The following WAC variants were observed in gnomAD, a reference collection of about 807,000 sequenced individuals.
WAC encodes WW domain-containing adapter protein with coiled-coil.
A neutral mutation model predicts 79.6 loss-of-function variants in WAC; 11 were observed. That is an observed-to-expected ratio of 0.14 (90% CI 0.09 to 0.23). The LOEUF (loss-of-function observed/expected upper bound fraction) is 0.23, where lower values mean the gene tolerates loss of function less well. WAC is among the 10% of genes least tolerant of loss of function. WAC has a pLI of 1.00. For synonymous variants in WAC, 304 were observed against 276.9 expected (o/e 1.10, Z -0.97); for missense variants, 728 against 773.5 (o/e 0.94, Z 0.70).
At chr10:28,542,816 A>T (rs1383069925) in intron 3 of WAC, among the ~76,000 whole-genome samples, 1 of 152,218 alleles carries the variant, frequency 6.6e-6, no homozygotes, top group Non-Finnish European at 1.5e-5. Context: ...CTGGTTTCTG[A>T]TAGATCAGTA....
intron 7 of WAC, among the ~76,000 whole-genome samples, chr10:28,605,748 G>A (rs566824598): frequency 1.3e-4 from 19 of 151,928 alleles, no homozygotes; most frequent in Non-Finnish European, 2.5e-4. Flanking sequence ...TTCATGTCTC[G>A]TAGATTTGGT....
In WAC at chr10:28,600,364, A is replaced by G. The variant is rs958890402; in HGVS notation, c.919+4323A>G. On this transcript the variant is annotated intron_variant, in intron 7 of 13. Coordinates refer to ENST00000354911, the MANE Select transcript of WAC (RefSeq NM_016628.5). Reference sequence around the variant, plus strand: ...ACTAAATGACAATTGAATGAACTCAAAAACTTCAGTATGTGTTAAAGCTAG... The same window carrying G: ...ACTAAATGACAATTGAATGAACTCAGAAACTTCAGTATGTGTTAAAGCTAG... 3.9e-5 allele frequency among the ~76,000 whole-genome samples: 6 copies of G among 152,146 alleles called. 1 individual carries two copies. The highest frequency in any genetic ancestry group is 1.3e-4 in the Admixed American group (2 of 15,268).
chr10:28,585,203 C>T (rs955816930), intron 4 of WAC, among the ~76,000 whole-genome samples: 5 of 152,066 alleles, frequency 3.3e-5, no homozygotes, highest in South Asian at 2.1e-4. Flanking sequence ...ATTGAACAAC[C>T]GGATGAATTT....
At chr10:28,552,639 C>CTGGA (rs1837743752) in intron 3 of WAC, among the ~76,000 whole-genome samples, 2 of 152,006 alleles carry the variant, frequency 1.3e-5, no homozygotes, top group Admixed American at 1.3e-4. Flanking sequence ...TGAATATTGA[C>CTGGA]TGGATTCTAA....
chr10:28,598,110 C>T (rs879853986), intron 7 of WAC, among the ~76,000 whole-genome samples: 1 of 152,186 alleles, frequency 6.6e-6, no homozygotes, highest in East Asian at 1.9e-4. Flanking sequence ...CTTACCCAGT[C>T]TATCCGCTTA....
Position 28,589,742 on chromosome 10 carries a change from G to C in WAC, c.388G>C (p.Asp130His), listed in dbSNP as rs978542722. Residue 130 changes from aspartate to histidine, a missense_variant, in exon 5 of 14, where the codon GAT becomes CAT. Coordinates refer to ENST00000354911, the MANE Select transcript of WAC (RefSeq NM_016628.5). ...NPSKTSDAPY[D>H]SADDWSEHIS... ...TAAAAAATATATTTTTAAGCCTTATGATTCTGCAGATGACTGGTCTGAGCA... is the reference window on the plus strand; with the variant it reads ...TAAAAAATATATTTTTAAGCCTTATCATTCTGCAGATGACTGGTCTGAGCA... The C allele has an allele frequency of 1.3e-6, 2 of 1,595,312 alleles. No individual in the cohort carries two copies. The highest frequency in any genetic ancestry group is 2.7e-5 in the African/African-American group (2 of 74,154).
intron 3 of WAC, among the ~76,000 whole-genome samples, chr10:28,564,443 G>A (rs1838485929): frequency 6.6e-6 from 1 of 152,236 alleles, no homozygotes; most frequent in African/African-American, 2.4e-5. Flanking sequence ...TAGAGGAGTA[G>A]TGGGAGTGAT....
intron 3 of WAC, among the ~76,000 whole-genome samples, chr10:28,549,415 C>T (rs750220983): frequency 1.3e-4 from 20 of 152,154 alleles, no homozygotes; most frequent in African/African-American, 2.7e-4. Flanking sequence ...TGGACAGCCA[C>T]CACCTAATGT....
chr10:28,540,902 GTGTC>G (rs973745481), intron 3 of WAC, among the ~76,000 whole-genome samples: 5 of 152,060 alleles, frequency 3.3e-5, no homozygotes, highest in Non-Finnish European at 5.9e-5. Context: ...TTAGAAAACA[GTGTC>G]TGTGATGTAA....
chr10:28,541,674 AG>A (rs1251723285), intron 3 of WAC, among the ~76,000 whole-genome samples: 2 of 152,082 alleles, frequency 1.3e-5, no homozygotes, highest in African/African-American at 4.8e-5. Context: ...TAGGCTGATC[AG>A]TATTATTCCT....
rs111684126 is a variant in WAC, at chr10:28,550,291, CT to C, written c.274+14546del. On this transcript the variant is annotated intron_variant, in intron 3 of 13. Transcript: ENST00000354911. ...AAAGCACTTACCCAGTCCTAGGCAT[CT>C]TTTTTTTTTTTATGCTGTTGTCCCA... is the stretch of plus-strand genomic sequence containing the variant. Among the ~76,000 whole-genome samples, 429 of 144,868 alleles carry C rather than the reference CT, an allele frequency of 3.0e-3. 3 individuals are homozygous for C. Among genetic ancestry groups the C allele is most frequent in the African/African-American group, 8.1e-3 (322 of 39,682 alleles).
intron 10 of WAC, among the ~76,000 whole-genome samples, chr10:28,612,373 A>T (rs1189741012): frequency 6.6e-6 from 1 of 152,124 alleles, no homozygotes; most frequent in Non-Finnish European, 1.5e-5. Flanking sequence ...AGAAAATCAA[A>T]CTCTCAGTTA....
chr10:28,546,165 T>C (rs1837338757), intron 3 of WAC, among the ~76,000 whole-genome samples: 2 of 152,246 alleles, frequency 1.3e-5, no homozygotes, highest in South Asian at 2.1e-4. Flanking sequence ...CATGACCTAC[T>C]ATTGGCGTCT....
At chr10:28,568,283 T>C (rs1838760680) in intron 3 of WAC, among the ~76,000 whole-genome samples, 1 of 152,264 alleles carries the variant, frequency 6.6e-6, no homozygotes, top group East Asian at 1.9e-4. Flanking sequence ...AAATACATTA[T>C]TCCAGTTGCT....
chr10:28,597,882 G>C (rs189316496), intron 7 of WAC, among the ~76,000 whole-genome samples: 354 of 152,246 alleles, frequency 2.3e-3, no homozygotes, highest in African/African-American at 6.8e-3. Context: ...CTCTCTCTCT[G>C]TTTTAATTGT....
intron 3 of WAC, among the ~76,000 whole-genome samples, chr10:28,550,912 A>G (rs796337304): frequency 2.0e-5 from 3 of 152,248 alleles, no homozygotes; most frequent in African/African-American, 7.2e-5. Flanking sequence ...TTGCATTAGT[A>G]TAATCCTATA....
intron 3 of WAC, among the ~76,000 whole-genome samples, chr10:28,574,072 A>G (rs955590097): frequency 6.6e-6 from 1 of 152,102 alleles, no homozygotes; most frequent in Non-Finnish European, 1.5e-5. Context: ...ATTCTGTTGC[A>G]TGATTATGCC....
At chr10:28,612,926 T>C (rs1185078783) in intron 10 of WAC, among the ~76,000 whole-genome samples, 2 of 152,194 alleles carry the variant, frequency 1.3e-5, no homozygotes, top group African/African-American at 2.4e-5. Flanking sequence ...TAGTAAATAG[T>C]GGTTAAAAGT....
intron 3 of WAC, among the ~76,000 whole-genome samples, chr10:28,539,352 G>C (rs572910461): frequency 1.3e-5 from 2 of 152,272 alleles, no homozygotes; most frequent in South Asian, 2.1e-4. Context: ...GTAACATAGC[G>C]TGTATAGTTT....
Sources: gnomAD v4.1 joint callset for allele counts (sites outside exome capture counted in the v4.1 genomes callset) on GRCh38, gnomAD v4.1.1 for gene constraint, MANE v1.5 for transcripts, NCBI Gene and HGNC (gene_info 2026-07-23, HGNC 2026-07-21) for gene names.